The following MAGI1 variants were observed in gnomAD, a reference collection of about 807,000 sequenced individuals.
MAGI1 encodes the protein membrane associated guanylate kinase, WW and PDZ domain containing 1.
A neutral mutation model predicts 139.9 loss-of-function variants in MAGI1; 58 were observed. The ratio of observed to expected loss-of-function variants is 0.41; its 90% CI spans 0.34 to 0.52. The LOEUF (loss-of-function observed/expected upper bound fraction) is 0.52. MAGI1 is among the 20% of genes least tolerant of loss of function. The probability of loss-of-function intolerance (pLI) is 0.12; values close to 1 mark genes in which losing one functional copy is unlikely to be tolerated. For missense variants in MAGI1, 1,874 were observed against 1,901.6 expected (o/e 0.99, Z 0.27); for synonymous variants, 812 against 737.9 (o/e 1.10, Z -1.63).
intron 1 of MAGI1, among the ~76,000 whole-genome samples, chr3:65,903,646 T>G (rs1342748658): frequency 6.6e-6 from 1 of 152,198 alleles, no homozygotes; most frequent in Non-Finnish European, 1.5e-5. Flanking sequence ...GTTTTTATCC[T>G]TGCCAGTCAG....
At chr3:65,563,258 C>T (rs1165291759) in intron 2 of MAGI1, among the ~76,000 whole-genome samples, 1 of 152,012 alleles carries the variant, frequency 6.6e-6, no homozygotes, top group Non-Finnish European at 1.5e-5. Flanking sequence ...ATGATATAAG[C>T]AAGTTTGAAA....
At chr3:65,670,256 T>C (rs558267865) in intron 1 of MAGI1, among the ~76,000 whole-genome samples, 2 of 152,208 alleles carry the variant, frequency 1.3e-5, no homozygotes, top group Admixed American at 6.5e-5. Flanking sequence ...TCCTATTGTG[T>C]ACTTTCCAGG....
intron 13 of MAGI1, among the ~76,000 whole-genome samples, chr3:65,394,358 T>C (rs765496076): frequency 3.9e-5 from 6 of 152,038 alleles, no homozygotes; most frequent in Non-Finnish European, 8.8e-5. Flanking sequence ...CACCTCTGAG[T>C]CTCCTTTAAA....
At chr3:65,434,942 G>C (rs138962083) in intron 10 of MAGI1, among the ~76,000 whole-genome samples, 97 of 152,298 alleles carry the variant, frequency 6.4e-4, no homozygotes, top group Middle Eastern at 6.8e-3. Context: ...TATACCATGA[G>C]AGTGGAGCCC....
intron 22 of MAGI1, among the ~76,000 whole-genome samples, chr3:65,357,623 G>A (rs1428761355): frequency 1.3e-5 from 2 of 152,014 alleles, no homozygotes; most frequent in Non-Finnish European, 2.9e-5. Context: ...GGGCACCTGG[G>A]AAGCTTTCTG....
chr3:65,641,933 G>C (rs1343011632), intron 1 of MAGI1, among the ~76,000 whole-genome samples: 1 of 152,184 alleles, frequency 6.6e-6, no homozygotes, highest in Non-Finnish European at 1.5e-5. Context: ...CAAAGGATGG[G>C]TTAGGGGCCC....
chr3:65,623,887 C>A (rs1050780085), intron 1 of MAGI1, among the ~76,000 whole-genome samples: 3 of 152,164 alleles, frequency 2.0e-5, no homozygotes, highest in Non-Finnish European at 4.4e-5. Flanking sequence ...AATCTTAGGT[C>A]ATTCAATCAT....
intron 1 of MAGI1, among the ~76,000 whole-genome samples, chr3:65,867,634 C>T (rs914881756): frequency 6.6e-5 from 10 of 151,966 alleles, no homozygotes; most frequent in African/African-American, 1.5e-4. Context: ...ACTGTGGGGG[C>T]GAGAGGAGGT....
At position 65,497,662 on chromosome 3, in the gene MAGI1, T is replaced by C. The variant is rs1952551188; in HGVS notation, c.431-4031A>G. Among the ~76,000 whole-genome samples the C allele has an allele frequency of 2.0e-5, 3 of 152,160 alleles. No individual in the cohort carries two copies. In the South Asian group the frequency reaches 6.2e-4, roughly 32 times the overall value. ...CCAAACTAGACAATGTTGATTTTTT[T>C]CTCCTGCAGCCATCTTTGCCATTCT... On this transcript the variant is annotated intron_variant, in intron 2 of 22. Coordinates refer to ENST00000402939, the MANE Select transcript of MAGI1 (RefSeq NM_001033057.2).
intron 2 of MAGI1, among the ~76,000 whole-genome samples, chr3:65,505,930 T>C (rs1576072699): frequency 6.6e-6 from 1 of 152,156 alleles, no homozygotes; most frequent in Non-Finnish European, 1.5e-5. Context: ...CATTGTTACA[T>C]TTCCATAAAT....
intron 1 of MAGI1, among the ~76,000 whole-genome samples, chr3:65,812,171 CTTTTT>C (rs1011876200): frequency 6.6e-6 from 1 of 152,070 alleles, no homozygotes; most frequent in African/African-American, 2.4e-5. Context: ...ATAATAAATA[CTTTTT>C]TTAAGTGTAG....
At chr3:65,957,638 G>C (rs768143713) in intron 1 of MAGI1, among the ~76,000 whole-genome samples, 5 of 152,064 alleles carry the variant, frequency 3.3e-5, no homozygotes, top group Non-Finnish European at 5.9e-5. Context: ...TCCATACTGA[G>C]TGAATCTATC....
intron 1 of MAGI1, among the ~76,000 whole-genome samples, chr3:66,031,125 T>C (rs1054991638): frequency 6.6e-6 from 1 of 152,200 alleles, no homozygotes; most frequent in Non-Finnish European, 1.5e-5. Context: ...ATCTCACATA[T>C]GAGCTGCAAA....
At chr3:66,017,168 T>C (rs527921753) in intron 1 of MAGI1, among the ~76,000 whole-genome samples, 2 of 152,364 alleles carry the variant, frequency 1.3e-5, no homozygotes, top group East Asian at 3.9e-4. Context: ...TTAAGTCTCA[T>C]AGAACCTTGC....
chr3:65,688,495 A>C, intron 1 of MAGI1: 1 of 448,894 alleles, frequency 2.2e-6, no homozygotes, highest in Non-Finnish European at 4.4e-6. Context: ...TTTCCTACCC[A>C]AGGGGGAAGA....
chr3:66,003,227 T>A (rs116424029), intron 1 of MAGI1, among the ~76,000 whole-genome samples: 1,751 of 152,210 alleles, frequency 0.012, 35 homozygotes, highest in African/African-American at 0.034. Context: ...ATACAAACTC[T>A]TCCCTCCTTC....
chr3:65,957,532 AAAG>A (rs551619974), intron 1 of MAGI1, among the ~76,000 whole-genome samples: 48,409 of 112,756 alleles, frequency 0.43, 9,924 homozygotes, highest in South Asian at 0.65. Context: ...AAAAAAAAAA[AAAG>A]AAAAAGAAAA....
At chr3:65,359,592 G>A (rs1940587882) in intron 22 of MAGI1, 1 of 997,318 alleles carries the variant, frequency 1.0e-6, no homozygotes, top group African/African-American at 1.7e-5. Context: ...AGAGAAGCAG[G>A]TTCCAATCAA....
intron 1 of MAGI1, among the ~76,000 whole-genome samples, chr3:65,815,919 C>A (rs1440258591): frequency 6.6e-6 from 1 of 152,180 alleles, no homozygotes; most frequent in Non-Finnish European, 1.5e-5. Context: ...ATCTAACATA[C>A]TCCACTGCCT....
Sources: gnomAD v4.1 joint callset for allele counts (sites outside exome capture counted in the v4.1 genomes callset) on GRCh38, gnomAD v4.1.1 for gene constraint, MANE v1.5 for transcripts, NCBI Gene and HGNC (gene_info 2026-07-23, HGNC 2026-07-21) for gene names.